The following HS6ST2 variants were observed in gnomAD, a reference collection of about 807,000 sequenced individuals.
HS6ST2 encodes heparan sulfate 6-O-sulfotransferase 2.
In HS6ST2, 17 loss-of-function variants were observed where a neutral mutation model predicts 33.0. The ratio of observed to expected loss-of-function variants is 0.52; its 90% CI spans 0.35 to 0.77. The LOEUF (loss-of-function observed/expected upper bound fraction) is 0.77, where lower values mean the gene tolerates loss of function less well. Ranked by LOEUF, HS6ST2 falls within the 30% of genes least tolerant of loss-of-function variation. The probability of loss-of-function intolerance (pLI) is 0.01; values close to 1 mark genes in which losing one functional copy is unlikely to be tolerated. For missense variants in HS6ST2, 519 were observed against 551.7 expected (o/e 0.94, Z 0.59); for synonymous variants, 248 against 237.1 (o/e 1.05, Z -0.42).
intron 2 of HS6ST2, among the ~76,000 whole-genome samples, chrX:132,748,066 A>ATATT (rs1281936732): frequency 5.4e-5 from 6 of 111,583 alleles, no homozygotes; most frequent in Non-Finnish European, 9.4e-5. Flanking sequence ...CAGACATCAA[A>ATATT]TATTTTCTTT....
At chrX:132,647,661 C>T (rs1259138494) in intron 4 of HS6ST2, among the ~76,000 whole-genome samples, 1 of 112,260 alleles carries the variant, frequency 8.9e-6, no homozygotes, top group Non-Finnish European at 1.9e-5. Flanking sequence ...AGCATCTGTG[C>T]AAACACTGGT....
At chrX:132,696,239 T>C (rs771780225) in intron 3 of HS6ST2, among the ~76,000 whole-genome samples, 4 of 112,040 alleles carry the variant, frequency 3.6e-5, no homozygotes, top group Non-Finnish European at 7.5e-5. Flanking sequence ...AACTTGTGTA[T>C]GCATGTATGT....
intron 2 of HS6ST2, among the ~76,000 whole-genome samples, chrX:132,926,201 G>A (rs893137083): frequency 9.8e-5 from 11 of 112,736 alleles, no homozygotes; most frequent in African/African-American, 3.2e-4. Context: ...GCTGTATATA[G>A]AAAAGAAAGA....
At chrX:132,956,393 A>G (rs1001053448) in intron 2 of HS6ST2, among the ~76,000 whole-genome samples, 1 of 110,637 alleles carries the variant, frequency 9.0e-6, no homozygotes, top group Non-Finnish European at 1.9e-5. Context: ...GGAGGAAGAG[A>G]GCGCTGAAAG....
At chrX:132,888,543 T>G in intron 2 of HS6ST2, among the ~76,000 whole-genome samples, 1 of 111,897 alleles carries the variant, frequency 8.9e-6, no homozygotes, top group Non-Finnish European at 1.9e-5. Flanking sequence ...TCATTACAGT[T>G]GCCCAGGCTG....
In HS6ST2 at chrX:132,712,652, G is replaced by T. The variant is rs753266089; in HGVS notation, c.948-4158C>A. On this transcript the variant is annotated intron_variant, in intron 2 of 4. Transcript: ENST00000370833. ...CATTAGTCACACAGACTGGAATCTGGTCCTAAAGCTCTTTCACTTACCAAC... is the reference window on the plus strand; with the variant it reads ...CATTAGTCACACAGACTGGAATCTGTTCCTAAAGCTCTTTCACTTACCAAC... Among the ~76,000 whole-genome samples the T allele has an allele frequency of 1.1e-4, 12 of 112,127 alleles. No individual in the cohort carries two copies. In the South Asian group the frequency reaches 4.5e-3, roughly 42 times the overall value.
chrX:132,873,209 G>T (rs1260798726), intron 2 of HS6ST2, among the ~76,000 whole-genome samples: 1 of 111,892 alleles, frequency 8.9e-6, no homozygotes. Flanking sequence ...TAAATGCACA[G>T]GATCAGGCTC....
intron 2 of HS6ST2, among the ~76,000 whole-genome samples, chrX:132,954,671 C>A (rs1320958453): frequency 8.9e-6 from 1 of 111,815 alleles, no homozygotes; most frequent in Non-Finnish European, 1.9e-5. Flanking sequence ...GGTAGCAATG[C>A]ATTTCTCTAG....
At chrX:132,703,507 T>G (rs924676752) in intron 3 of HS6ST2, among the ~76,000 whole-genome samples, 1 of 112,379 alleles carries the variant, frequency 8.9e-6, no homozygotes, top group African/African-American at 3.2e-5. Context: ...ACCATTCTTC[T>G]GCAAAAAGGG....
intron 3 of HS6ST2, among the ~76,000 whole-genome samples, chrX:132,703,981 A>G (rs956796383): frequency 1.3e-4 from 15 of 112,218 alleles, no homozygotes; most frequent in African/African-American, 4.9e-4. Flanking sequence ...TATATGTTCT[A>G]TATTCACAGC....
chrX:132,853,438 C>T (rs1366239703), intron 2 of HS6ST2, among the ~76,000 whole-genome samples: 3 of 109,372 alleles, frequency 2.7e-5, no homozygotes, highest in Non-Finnish European at 3.8e-5. Flanking sequence ...AGATTACAGG[C>T]GTCAGCCACC....
upstream of HS6ST2, chrX:132,958,807 A>G (rs913331176): frequency 2.5e-5 from 9 of 359,872 alleles, no homozygotes; most frequent in African/African-American, 5.2e-5. Flanking sequence ...CAAAGGCGCA[A>G]ATTGGAGCTT....
intron 2 of HS6ST2, among the ~76,000 whole-genome samples, chrX:132,928,342 C>T (rs1337663590): frequency 2.7e-5 from 3 of 110,140 alleles, no homozygotes; most frequent in Non-Finnish European, 3.8e-5. Flanking sequence ...AAACTTCTGG[C>T]CTCAAACTCC....
In HS6ST2 at chrX:132,852,296, G is replaced by A. The variant is rs761737837; in HGVS notation, c.947+104512C>T. ...ACAGGAGTAACTCCAAAGGGCATTT[G>A]ACATTATGCATGATATTACACGCTG... On this transcript the variant is annotated intron_variant, in intron 2 of 4. Transcript: ENST00000370833. Among the ~76,000 whole-genome samples, 12 of 112,010 alleles carry A rather than the reference G, an allele frequency of 1.1e-4. No individual in the cohort carries two copies. The South Asian group carries it at 1.5e-3, about 14-fold the overall frequency.
At chrX:132,886,338 A>G (rs182434776) in intron 2 of HS6ST2, among the ~76,000 whole-genome samples, 144 of 111,787 alleles carry the variant, frequency 1.3e-3, no homozygotes, top group African/African-American at 4.5e-3. Context: ...CAGATTCAAG[A>G]TGGCAGAAGA....
At position 132,666,527 on chromosome X, in the gene HS6ST2, C is replaced by T. The variant is rs1008992887; in HGVS notation, c.1067+2586G>A. Reference sequence around the variant, plus strand: ...TATCCTCTTGGAGCCTCAATTTCCTCATGTGTGCAATAGAAATAATAGTGC... The same window carrying T: ...TATCCTCTTGGAGCCTCAATTTCCTTATGTGTGCAATAGAAATAATAGTGC... On this transcript the variant is annotated intron_variant, in intron 4 of 4. Transcript: ENST00000370833. Among the ~76,000 whole-genome samples the T allele has an allele frequency of 1.8e-5, 2 of 111,594 alleles. 1 individual carries two copies. Among genetic ancestry groups the T allele is most frequent in the South Asian group, 7.6e-4 (2 of 2,639 alleles).
At chrX:132,636,928 T>G (rs2063553971) in intron 4 of HS6ST2, among the ~76,000 whole-genome samples, 1 of 111,998 alleles carries the variant, frequency 8.9e-6, no homozygotes, top group Admixed American at 9.5e-5. Context: ...TCATATATTA[T>G]TATTCCCTTT....
At chrX:132,907,448 C>A (rs989544867) in intron 2 of HS6ST2, 6 of 123,407 alleles carry the variant, frequency 4.9e-5, no homozygotes, top group Non-Finnish European at 1.0e-4. Context: ...GATGCCTCTG[C>A]AATGATAAAA....
At position 132,957,240 on chromosome X, in the gene HS6ST2, A is replaced by G; in HGVS notation, c.515T>C (p.Val172Ala). ...GAGCTGGCATTCTGTGCCGGGGCAC[A>G]CGTATTGGAGGACGATCACGGCAAA... ...FLFAVIVLQY[V>A]CPGTECQLLR... The change falls in exon 2 of 5, where the codon GTG becomes GCG. Residue 172 changes from valine to alanine, a missense_variant. Coordinates refer to ENST00000370833, the MANE Select transcript of HS6ST2 (RefSeq NM_001394073.1). 8.3e-7 allele frequency: 1 copy of G among 1,202,030 alleles called. No individual in the cohort carries two copies. The highest frequency in any genetic ancestry group is 1.1e-6 in the Non-Finnish European group (1 of 890,216).
Sources: gnomAD v4.1 joint callset for allele counts (sites outside exome capture counted in the v4.1 genomes callset) on GRCh38, gnomAD v4.1.1 for gene constraint, MANE v1.5 for transcripts, NCBI Gene and HGNC (gene_info 2026-07-23, HGNC 2026-07-21) for gene names.